The following ZNF738 variants were observed in gnomAD, a reference collection of about 807,000 sequenced individuals.
The protein encoded by ZNF738 is zinc finger protein 738.
A neutral mutation model predicts 9.2 loss-of-function variants in ZNF738; 10 were observed. That is an observed-to-expected ratio of 1.09 (90% CI 0.67 to 1.85). ZNF738 has a LOEUF of 1.85. Among genes scored for constraint, ZNF738 ranks in the 40% most tolerant of loss-of-function variants. The pLI, the probability that ZNF738 is intolerant of heterozygous loss-of-function variation, is 0.00. For synonymous variants in ZNF738, 113 were observed against 94.5 expected, an observed-to-expected ratio of 1.20 and a Z score of -1.14; for missense variants, 346 against 283.6, an observed-to-expected ratio of 1.22 and a Z score of -1.58.
chr19:21,375,564 A>C (rs572083359), intron 3 of ZNF738, among the ~76,000 whole-genome samples, 200 bp downstream of exon 3: 14 of 152,226 alleles, frequency 9.2e-5, no homozygotes, highest in African/African-American at 3.4e-4. Context: ...TGCATTCCTG[A>C]GCTGGTCTGT....
Position 21,385,920 on chromosome 19 carries a change from A to G in ZNF738, c.*2246A>G, listed in dbSNP as rs1420561172. On this transcript the variant is annotated 3_prime_UTR_variant, in exon 5 of 5. Transcript: ENST00000683779. The stretch of plus-strand genomic sequence containing the variant: ...TTACTAAACAGAATTCATAGCAGAG[A>G]GAAATCCTACAAATATGAAGAATGT... Among the ~76,000 whole-genome samples the G allele has an allele frequency of 6.6e-6, 1 of 152,272 alleles. No homozygotes were observed. The highest frequency in any genetic ancestry group is 2.1e-4 in the South Asian group (1 of 4,820).
In ZNF738 at chr19:21,388,163, G is replaced by T. The variant is rs772664282; in HGVS notation, c.*4489G>T. ...AAAGTATTTGTATATAAATTTAAGA[G>T]GAGTAAAAGATTTTTTGCAGAGTAA... On this transcript the variant is annotated 3_prime_UTR_variant, in exon 5 of 5. Coordinates refer to ENST00000683779, the MANE Select transcript of ZNF738 (RefSeq NM_001355237.2). Among the ~76,000 whole-genome samples, 1 of 152,060 alleles carries T rather than the reference G, an allele frequency of 6.6e-6. No individual in the cohort carries two copies. The highest frequency in any genetic ancestry group is 1.5e-5 in the Non-Finnish European group (1 of 67,998).
intron 2 of ZNF738, among the ~76,000 whole-genome samples, chr19:21,369,518 C>T (rs1198114434): frequency 6.6e-6 from 1 of 152,140 alleles, no homozygotes; most frequent in Non-Finnish European, 1.5e-5. Flanking sequence ...TTAAGTTTTG[C>T]ATTTAAGTCT....
chr19:21,381,188 T>C lies in ZNF738; in HGVS notation c.320-1678T>C, dbSNP rs1042124373. On this transcript the variant is annotated intron_variant, in intron 4 of 4. Transcript: ENST00000683779. Reference sequence around the variant, plus strand: ...AGCACCAAGGCTTCCAGGAGTTTTCTTGGAACCTACAGCCAGAAGAGTCCT... The same window carrying C: ...AGCACCAAGGCTTCCAGGAGTTTTCCTGGAACCTACAGCCAGAAGAGTCCT... 5.9e-6 allele frequency: 8 copies of C among 1,348,584 alleles called. No homozygotes were observed. In the Admixed American group the frequency reaches 1.3e-4, roughly 22 times the overall value. 83.5% of individuals were successfully genotyped at this position (1,348,584 alleles called of 1,614,324 possible). A position where few individuals can be genotyped will look rare whatever the true frequency, so the allele number is the denominator to read the frequency against.
chr19:21,372,844 A>G (rs920752717), intron 2 of ZNF738: 1 of 152,304 alleles, frequency 6.6e-6, no homozygotes, highest in African/African-American at 2.4e-5. Context: ...TCATGTGTAC[A>G]TGTTGTTTTT....
At chr19:21,364,410 A>T (rs965904238) in intron 2 of ZNF738, among the ~76,000 whole-genome samples, 2 of 152,104 alleles carry the variant, frequency 1.3e-5, no homozygotes, top group Non-Finnish European at 1.5e-5. Flanking sequence ...TGTTCTTAGG[A>T]GGGATATAGA....
intron 4 of ZNF738, chr19:21,377,409 C>T (rs1381117352): frequency 1.4e-5 from 10 of 704,002 alleles, no homozygotes; most frequent in Non-Finnish European, 2.4e-5. Flanking sequence ...ATTGAAATTT[C>T]CTACTATAAT....
At chr19:21,360,371 C>A in intron 1 of ZNF738, 1 of 152,242 alleles carries the variant, frequency 6.6e-6, no homozygotes, top group Non-Finnish European at 1.5e-5. Flanking sequence ...CAGTAAGATA[C>A]TAAATTTCCA....
chr19:21,373,777 C>CTT (rs34606176), intron 2 of ZNF738, among the ~76,000 whole-genome samples: 4 of 130,872 alleles, frequency 3.1e-5, no homozygotes, highest in Non-Finnish European at 1.6e-5. Context: ...GGAAAAATGG[C>CTT]TTTTTTTTTT....
chr19:21,360,274 A>AT (rs34884074), intron 1 of ZNF738, among the ~76,000 whole-genome samples: 85,869 of 151,740 alleles, frequency 0.57, 24,579 homozygotes, highest in Middle Eastern at 0.69. Context: ...CAGGGAACTG[A>AT]TTTTCTGCTG....
At position 21,388,335 on chromosome 19, in the gene ZNF738, G is replaced by C. The variant is rs1340639226; in HGVS notation, c.*4661G>C. ...TAATTGTTGCATCAAAGGTATGAGA[G>C]ATTCTTTTCCATTAGGTGGGCATTT... On this transcript the variant is annotated 3_prime_UTR_variant, in exon 5 of 5. Coordinates refer to ENST00000683779, the MANE Select transcript of ZNF738 (RefSeq NM_001355237.2). 6.6e-6 allele frequency among the ~76,000 whole-genome samples: 1 copy of C among 152,120 alleles called. No individual in the cohort carries two copies. Among genetic ancestry groups the C allele is most frequent in the African/African-American group, 2.4e-5 (1 of 41,440 alleles).
rs937270746 is a variant in ZNF738 at position 21,383,767 on chromosome 19, A to G, written c.*93A>G. 6.9e-5 allele frequency: 80 copies of G among 1,151,922 alleles called. No homozygotes were observed. The highest frequency in any genetic ancestry group is 9.9e-5 in the Non-Finnish European group (76 of 767,774). The allele number at this position is 1,151,922 out of a possible 1,614,324, so 71.4% of individuals were successfully genotyped here. On this transcript the variant is annotated 3_prime_UTR_variant, in exon 5 of 5. Transcript: ENST00000683779. Reference sequence around the variant, plus strand: ...CCTACAAATGTGAGGAATGTGGCAAAGCTTTTAAACAGTCCTCAAACCTTA... The same window carrying G: ...CCTACAAATGTGAGGAATGTGGCAAGGCTTTTAAACAGTCCTCAAACCTTA...
intron 4 of ZNF738, chr19:21,381,350 T>C (rs1974001559): frequency 2.6e-6 from 4 of 1,515,182 alleles, no homozygotes; most frequent in Non-Finnish European, 3.7e-6. Flanking sequence ...TGCTTTCTTT[T>C]TGATGAATAC....
At chr19:21,369,887 T>G (rs1973835157) in intron 2 of ZNF738, among the ~76,000 whole-genome samples, 1 of 151,962 alleles carries the variant, frequency 6.6e-6, no homozygotes, top group African/African-American at 2.4e-5. Context: ...GATCTCAGCT[T>G]ACTGCAACCT....
intron 2 of ZNF738, among the ~76,000 whole-genome samples, chr19:21,368,026 C>T (rs1158891558): frequency 6.6e-6 from 1 of 152,244 alleles, no homozygotes; most frequent in African/African-American, 2.4e-5. Flanking sequence ...TACAGCCCCA[C>T]TGGGACCACT....
intron 2 of ZNF738, 79 bp downstream of exon 2, chr19:21,361,937 C>G: frequency 1.5e-6 from 1 of 658,054 alleles, no homozygotes; most frequent in Admixed American, 2.4e-5. Flanking sequence ...AAAACTTAGC[C>G]AAGCATGGTG....
chr19:21,373,954 A>C (rs1444736151), intron 2 of ZNF738, among the ~76,000 whole-genome samples: 2 of 152,108 alleles, frequency 1.3e-5, no homozygotes, highest in East Asian at 1.9e-4. Flanking sequence ...TCTGCAAAGT[A>C]TCTCTCTCCT....
In ZNF738 at chr19:21,383,553, T is replaced by C. The variant is rs59268487; in HGVS notation, c.1007T>C (p.Ile336Thr). Reference protein sequence around the residue: ...CQFSYLTKHKIIHTGEKPYKC... With the variant: ...CQFSYLTKHKTIHTGEKPYKC... ...TTCTCATACCTTACTAAACATAAGA[T>C]AATTCATACTGGAGAGAAACCCTAC... The change falls in exon 5 of 5, where the codon ATA becomes ACA. Residue 336 changes from isoleucine to threonine, a missense_variant. By Grantham distance (89) the Ile-to-Thr change is moderately conservative. Coordinates refer to ENST00000683779, the MANE Select transcript of ZNF738 (RefSeq NM_001355237.2). 5,407 of 1,013,364 alleles carry C rather than the reference T, an allele frequency of 5.3e-3. 119 individuals are homozygous for C. Among genetic ancestry groups the C allele is most frequent in the African/African-American group, 0.048 (3,015 of 63,236 alleles). 62.8% of individuals were successfully genotyped at this position (1,013,364 alleles called of 1,614,324 possible). A position where few individuals can be genotyped will look rare whatever the true frequency, so the allele number is the denominator to read the frequency against.
Position 21,382,890 on chromosome 19 carries a change from AC to A in ZNF738, c.346del (p.Leu116PhefsTer7), listed in dbSNP as rs1250661111. On this transcript the variant is annotated frameshift_variant, in exon 5 of 5. Transcript: ENST00000683779. LOFTEE classifies it low-confidence loss of function (END_TRUNC). ...PPVTYSHFAQDLWPQPGIKDS... is the reference protein window; with the variant it reads ...PPVTYSHFAQXLWPQPGIKDS... The stretch of plus-strand genomic sequence containing the variant: ...GTTACATATTCTCATTTTGCCCAGG[AC>A]CTTTGGCCACAGCCGGGCATAAAAG... The A allele has an allele frequency of 1.4e-5, 7 of 501,204 alleles. No homozygotes were observed. The East Asian group carries it at 1.9e-4, about 13-fold the overall frequency. The allele number at this position is 501,204 out of a possible 1,614,324, so 31.0% of individuals were successfully genotyped here.
Sources: allele counts gnomAD v4.1 joint callset (sites outside exome capture counted in the v4.1 genomes callset), GRCh38; gene constraint gnomAD v4.1.1; transcripts MANE v1.5; gene names NCBI Gene and HGNC (gene_info 2026-07-23, HGNC 2026-07-21).